Variants in GLIS3 observed in about 807,000 individuals in gnomAD.
GLIS3 encodes GLIS family zinc finger 3.
A neutral mutation model predicts 78.6 loss-of-function variants in GLIS3; 53 were observed. That is an observed-to-expected ratio of 0.67 (90% CI 0.54 to 0.85). GLIS3 has a LOEUF of 0.85. Ranked by LOEUF, GLIS3 falls within the 40% of genes least tolerant of loss-of-function variation. The probability of loss-of-function intolerance (pLI) is 0.00; values close to 1 mark genes in which losing one functional copy is unlikely to be tolerated. For missense variants in GLIS3, 1,703 were observed against 1,231.1 expected (o/e 1.38, Z -5.74); for synonymous variants, 684 against 509.9 (o/e 1.34, Z -4.60).
At position 4,135,069 on chromosome 9, in the gene GLIS3, G is replaced by A. The variant is rs73643711; in HGVS notation, c.389-9128C>T. On this transcript the variant is annotated intron_variant, in intron 2 of 10. Coordinates refer to ENST00000381971, the MANE Select transcript of GLIS3 (RefSeq NM_001042413.2). ...GGGAAAGAAATACATTATTTATTGT[G>A]GGTCCCCTCATAGACCCCAAATTAT... Among the ~76,000 whole-genome samples the A allele has an allele frequency of 7.6e-3, 1,155 of 152,142 alleles. 11 individuals are homozygous for A. Among genetic ancestry groups the A allele is most frequent in the African/African-American group, 0.026 (1,086 of 41,498 alleles).
intron 8 of GLIS3, among the ~76,000 whole-genome samples, chr9:3,862,320 T>G (rs1195806891): frequency 2.0e-5 from 3 of 152,152 alleles, no homozygotes; most frequent in Non-Finnish European, 4.4e-5. Flanking sequence ...TGGGAGAGCG[T>G]GTCAGCAACA....
At chr9:4,190,113 A>C (rs1314788548) in intron 2 of GLIS3, among the ~76,000 whole-genome samples, 4 of 152,168 alleles carry the variant, frequency 2.6e-5, no homozygotes, top group Admixed American at 2.6e-4. Flanking sequence ...GGAAACTCTA[A>C]AAAGCAGAGC....
intron 4 of GLIS3, among the ~76,000 whole-genome samples, chr9:3,998,181 T>C (rs780222205): frequency 9.2e-5 from 14 of 152,178 alleles, no homozygotes; most frequent in Admixed American, 6.5e-4. Context: ...AGACTCATCT[T>C]AGTCTTTCCC....
upstream of GLIS3, among the ~76,000 whole-genome samples, chr9:4,300,850 T>G (rs1173981830): frequency 6.6e-6 from 1 of 151,990 alleles, no homozygotes; most frequent in Non-Finnish European, 1.5e-5. Context: ...TCTAGGTATG[T>G]AATGCACACA....
At chr9:3,839,636 T>C (rs1271655349) in intron 9 of GLIS3, among the ~76,000 whole-genome samples, 1 of 151,852 alleles carries the variant, frequency 6.6e-6, no homozygotes, top group Admixed American at 6.6e-5. Flanking sequence ...CAAATCCTCA[T>C]GGCTACCATG....
At chr9:4,374,069 G>C in the GLIS3 span, among the ~76,000 whole-genome samples, 1 of 152,186 alleles carries the variant, frequency 6.6e-6, no homozygotes, top group Non-Finnish European at 1.5e-5. Context: ...AATAGGTAAT[G>C]GTGATGCTTT....
the GLIS3 span, among the ~76,000 whole-genome samples, chr9:4,401,201 C>G: frequency 6.6e-6 from 1 of 152,036 alleles, no homozygotes; most frequent in Non-Finnish European, 1.5e-5. Flanking sequence ...ATGGTGAGTC[C>G]CAGGCCTGGC....
At chr9:4,100,406 A>T (rs1462166798) in intron 4 of GLIS3, among the ~76,000 whole-genome samples, 1 of 152,228 alleles carries the variant, frequency 6.6e-6, no homozygotes, top group Non-Finnish European at 1.5e-5. Context: ...ACAACAACAT[A>T]GGATAAAAGA....
the GLIS3 span, among the ~76,000 whole-genome samples, chr9:4,435,864 G>T: frequency 6.6e-6 from 1 of 152,168 alleles, no homozygotes; most frequent in African/African-American, 2.4e-5. Context: ...CAGGAGAATG[G>T]CATAAACTCG....
chr9:4,340,463 G>T lies in GLIS3; in HGVS notation n.264+6618C>A, dbSNP rs151309477. Among the ~76,000 whole-genome samples the T allele has an allele frequency of 5.9e-3, 896 of 152,084 alleles. 5 individuals carry two copies. Among genetic ancestry groups the T allele is most frequent in the African/African-American group, 0.02 (833 of 41,436 alleles). On this transcript the variant is annotated intron_variant and non_coding_transcript_variant, in intron 2 of 4. Transcript: ENST00000471664. ...TATTTTGTCTTACCCAGTGTCTTTG[G>T]GGCAAATTCCTCATCTTTCAGGATG...
chr9:4,118,029 G>C lies in GLIS3; in HGVS notation c.1449C>G (p.Pro483=), dbSNP rs145515526. 1.2e-6 allele frequency: 2 copies of C among 1,600,396 alleles called. No homozygotes were observed. The highest frequency in any genetic ancestry group is 1.7e-6 in the Non-Finnish European group (2 of 1,173,278). The change falls in exon 4 of 11, where the codon CCC becomes CCG. Residue 483 remains proline (P), a synonymous_variant. Coordinates refer to ENST00000381971, the MANE Select transcript of GLIS3 (RefSeq NM_001042413.2). This position sits in a 1 kb window ranked among gnomAD's most constrained non-coding sequence, Gnocchi z 4.7. ...CCCCGTCGTCGTCCAGGGTGGCCTG[G>C]GGCAAGGCCAGCTGCTGGGCGTGGG... The part of the protein sequence containing the change: ...LGPHAQQLAL[P]QATLDDDGEM...
At chr9:3,866,692 G>C (rs1284207067) in intron 8 of GLIS3, among the ~76,000 whole-genome samples, 2 of 152,194 alleles carry the variant, frequency 1.3e-5, no homozygotes, top group African/African-American at 4.8e-5. Context: ...GATTAAACAA[G>C]GGAATTGACG....
In GLIS3 at chr9:4,192,325, A is replaced by G. The variant is rs977492627; in HGVS notation, c.389-66384T>C. On this transcript the variant is annotated intron_variant, in intron 2 of 10. Transcript: ENST00000381971. ...AATATTTTAATAAAATGAAAAGGTGACACCTCAGTTATTTTCTAATTTTAT... is the reference window on the plus strand; with the variant it reads ...AATATTTTAATAAAATGAAAAGGTGGCACCTCAGTTATTTTCTAATTTTAT... 2.2e-4 allele frequency among the ~76,000 whole-genome samples: 34 copies of G among 152,244 alleles called. 1 individual carries two copies. Among genetic ancestry groups the G allele is most frequent in the Admixed American group, 2.2e-3 (33 of 15,284 alleles).
intron 7 of GLIS3, among the ~76,000 whole-genome samples, chr9:3,882,902 G>C (rs1321973664): frequency 1.3e-5 from 2 of 152,196 alleles, no homozygotes; most frequent in Non-Finnish European, 2.9e-5. Context: ...GAGAAGGTGA[G>C]ATTACAACCT....
intron 2 of GLIS3, among the ~76,000 whole-genome samples, chr9:4,152,787 T>C (rs1376048642): frequency 1.3e-5 from 2 of 152,086 alleles, no homozygotes; most frequent in Admixed American, 6.6e-5. Flanking sequence ...TTTTAAAATA[T>C]AATGAAAAAA....
intron 2 of GLIS3, among the ~76,000 whole-genome samples, chr9:4,137,659 G>T (rs1265732094): frequency 6.6e-6 from 1 of 152,070 alleles, no homozygotes; most frequent in African/African-American, 2.4e-5. Context: ...CAATATTCCT[G>T]GAGTTTGTAT....
intron 4 of GLIS3, among the ~76,000 whole-genome samples, chr9:3,982,130 C>G (rs1295472686): frequency 1.3e-5 from 2 of 152,016 alleles, no homozygotes; most frequent in Non-Finnish European, 2.9e-5. Flanking sequence ...ATGCATAGAA[C>G]AGAAAAGAAC....
chr9:3,925,594 T>A (rs1825161275), intron 6 of GLIS3, among the ~76,000 whole-genome samples: 1 of 149,370 alleles, frequency 6.7e-6, no homozygotes, highest in African/African-American at 2.4e-5. Flanking sequence ...TCAGTGTGTG[T>A]GCGTGTGCGC....
At chr9:3,933,032 A>G (rs955253661) in intron 5 of GLIS3, 8 of 249,664 alleles carry the variant, frequency 3.2e-5, no homozygotes, top group African/African-American at 1.6e-4. Flanking sequence ...AGCATTAATA[A>G]TATTAGTTGC....
Sources: gnomAD v4.1 joint callset for allele counts (sites outside exome capture counted in the v4.1 genomes callset) on GRCh38, gnomAD v4.1.1 for gene constraint, Gnocchi (gnomAD v3.1) non-coding constraint, MANE v1.5 for transcripts, NCBI Gene and HGNC (gene_info 2026-07-23, HGNC 2026-07-21) for gene names.